Variants in EYS observed in about 807,000 individuals in gnomAD.
The protein encoded by EYS is EGF-like photoreceptor maintenance factor.
EYS carries 250 observed loss-of-function variants against 282.1 expected under a neutral mutation model. The observed-to-expected ratio is 0.89, with a 90% CI of 0.80 to 0.98. The LOEUF is 0.98. Ranked by LOEUF, EYS falls within the 50% of genes least tolerant of loss-of-function variation. The pLI is 0.00. For missense variants in EYS, 4,016 were observed against 3,709.0 expected (o/e 1.08, Z -2.15); for synonymous variants, 1,355 against 1,282.9 (o/e 1.06, Z -1.20).
intron 8 of EYS, among the ~76,000 whole-genome samples, chr6:65,371,733 CTCTCTCTCTGTGTG>C (rs1429426327): frequency 2.0e-3 from 100 of 50,712 alleles, no homozygotes; most frequent in African/African-American, 5.1e-3. Flanking sequence ...CTCTCTCTCT[CTCTCTCTCTGTGTG>C]TGTGTGTGTG....
At chr6:65,677,145 G>GT (rs1471226311) in intron 1 of EYS, among the ~76,000 whole-genome samples, 1 of 144,486 alleles carries the variant, frequency 6.9e-6, no homozygotes, top group Non-Finnish European at 1.5e-5. Context: ...AGCTTTTCTG[G>GT]TAAGATCAGG....
At chr6:63,835,546 A>G (rs866355756) in intron 36 of EYS, among the ~76,000 whole-genome samples, 22 of 152,050 alleles carry the variant, frequency 1.4e-4, no homozygotes, top group African/African-American at 5.1e-4. Flanking sequence ...ATGCAAAGGG[A>G]TAAGAATGAT....
intron 14 of EYS, among the ~76,000 whole-genome samples, chr6:64,990,922 T>A (rs1445654994): frequency 6.6e-6 from 1 of 151,580 alleles, no homozygotes; most frequent in Admixed American, 6.6e-5. Flanking sequence ...ATAAATTTAA[T>A]CAGTTTCAGA....
intron 13 of EYS, among the ~76,000 whole-genome samples, chr6:65,007,473 A>G (rs1414469546): frequency 6.6e-6 from 1 of 152,186 alleles, no homozygotes; most frequent in Non-Finnish European, 1.5e-5. Context: ...TTATAACACC[A>G]TCTTACAGCT....
Position 65,036,115 on chromosome 6 carries a change from C to G in EYS, c.2137+21499G>C, listed in dbSNP as rs368104964. Among the ~76,000 whole-genome samples the G allele has an allele frequency of 2.3e-4, 35 of 151,748 alleles. No homozygotes were observed. In the East Asian group the frequency reaches 6.0e-3, roughly 26 times the overall value. ...GCTACATTAACCAAAACAGCAGGCA[C>G]TGGTACAATAACAAACACATAGACC... On this transcript the variant is annotated intron_variant, in intron 13 of 42. Transcript: ENST00000503581.
At chr6:65,418,679 G>A (rs1286182101) in intron 5 of EYS, among the ~76,000 whole-genome samples, 1 of 151,964 alleles carries the variant, frequency 6.6e-6, no homozygotes, top group Non-Finnish European at 1.5e-5. Context: ...GTTGAACATT[G>A]AGAACACATG....
intron 31 of EYS, among the ~76,000 whole-genome samples, chr6:64,142,327 C>G (rs1172033734): frequency 1.3e-5 from 2 of 151,842 alleles, no homozygotes; most frequent in Non-Finnish European, 2.9e-5. Context: ...GAAAGTCTTT[C>G]AAGCAGAAGT....
intron 12 of EYS, among the ~76,000 whole-genome samples, chr6:65,252,040 A>G (rs1029675333): frequency 2.0e-5 from 3 of 151,914 alleles, no homozygotes; most frequent in Non-Finnish European, 4.4e-5. Context: ...TCCAGGGGGT[A>G]GGGGCGACTC....
intron 22 of EYS, among the ~76,000 whole-genome samples, chr6:64,735,512 A>C (rs995580513): frequency 2.6e-5 from 4 of 152,226 alleles, no homozygotes; most frequent in African/African-American, 4.8e-5. Flanking sequence ...GAGAAGAAAA[A>C]ACACAAAATT....
chr6:64,330,740 C>G (rs1267241935), intron 29 of EYS, among the ~76,000 whole-genome samples: 1 of 152,110 alleles, frequency 6.6e-6, no homozygotes, highest in Non-Finnish European at 1.5e-5. Flanking sequence ...TGGTCATCAC[C>G]CTGTTGGAGC....
At chr6:63,938,187 C>G (rs573641020) in intron 35 of EYS, among the ~76,000 whole-genome samples, 32 of 152,264 alleles carry the variant, frequency 2.1e-4, no homozygotes, top group African/African-American at 7.5e-4. Flanking sequence ...CCTAGCCAAC[C>G]TCACCTAATG....
Position 64,517,287 on chromosome 6 carries a change from G to C in EYS, c.5644+72936C>G, listed in dbSNP as rs1426202528. ...GAACAAAGATGTCTGTGTTGGCACA[G>C]AGGCAGACAGCTTGAGGGATGTCTA... On this transcript the variant is annotated intron_variant, in intron 26 of 42. Coordinates refer to ENST00000503581, the MANE Select transcript of EYS (RefSeq NM_001142800.2). 2.6e-5 allele frequency among the ~76,000 whole-genome samples: 4 copies of C among 151,780 alleles called. 1 individual carries two copies. Among genetic ancestry groups the C allele is most frequent in the Non-Finnish European group, 5.9e-5 (4 of 67,848 alleles).
chr6:65,308,246 G>C (rs1372692882), intron 11 of EYS, among the ~76,000 whole-genome samples: 3 of 58,500 alleles, frequency 5.1e-5, no homozygotes, highest in Non-Finnish European at 1.0e-4. Context: ...CAAAGTGCTA[G>C]AATTACAGGC....
chr6:65,623,928 C>G (rs1354984572), intron 2 of EYS, among the ~76,000 whole-genome samples: 1 of 152,096 alleles, frequency 6.6e-6, no homozygotes, highest in African/African-American at 2.4e-5. Context: ...GGAGTAATCA[C>G]ATGGAAGAAT....
chr6:65,284,157 T>C (rs796922371), intron 12 of EYS, among the ~76,000 whole-genome samples: 3 of 152,226 alleles, frequency 2.0e-5, no homozygotes, highest in African/African-American at 7.2e-5. Flanking sequence ...GTTGCTAGGT[T>C]CATGTTGTAC....
chr6:64,944,193 C>A (rs961442611), intron 15 of EYS, among the ~76,000 whole-genome samples: 2 of 151,944 alleles, frequency 1.3e-5, no homozygotes, highest in Non-Finnish European at 2.9e-5. Context: ...TGGACCCTTA[C>A]CTTTTACTAT....
At chr6:65,153,955 T>A (rs1764676679) in intron 12 of EYS, among the ~76,000 whole-genome samples, 1 of 151,858 alleles carries the variant, frequency 6.6e-6, no homozygotes, top group African/African-American at 2.4e-5. Context: ...CCTCCATTTA[T>A]TTTGCAATTA....
intron 12 of EYS, among the ~76,000 whole-genome samples, chr6:65,280,775 T>C (rs1223957847): frequency 1.3e-5 from 2 of 151,428 alleles, no homozygotes; most frequent in Non-Finnish European, 2.9e-5. Flanking sequence ...CCCAGCACTT[T>C]GGGAGGCCAA....
intron 1 of EYS, 144 bp downstream of exon 1, chr6:65,706,991 T>C (rs908280904): frequency 2.6e-5 from 4 of 152,134 alleles, no homozygotes; most frequent in Non-Finnish European, 4.4e-5. Context: ...TTAGTGAAAA[T>C]GTTTTATATA....
Sources: gnomAD v4.1 joint callset for allele counts (sites outside exome capture counted in the v4.1 genomes callset) on GRCh38, gnomAD v4.1.1 for gene constraint, MANE v1.5 for transcripts, NCBI Gene and HGNC (gene_info 2026-07-23, HGNC 2026-07-21) for gene names.